The following ZNF787 variants were observed in gnomAD, a reference collection of about 807,000 sequenced individuals.
ZNF787 encodes zinc finger protein 787, also known as TTF-I-interacting peptide 20.
Under a neutral mutation model 16.9 loss-of-function variants are expected in ZNF787, and 7 were observed. The observed-to-expected ratio is 0.42, with a 90% CI of 0.24 to 0.78. The LOEUF (loss-of-function observed/expected upper bound fraction) is 0.78, where lower values mean the gene tolerates loss of function less well. Ranked by LOEUF, ZNF787 falls within the 30% of genes least tolerant of loss-of-function variation. ZNF787 has a pLI of 0.30. For synonymous variants in ZNF787, 345 were observed against 270.9 expected (o/e 1.27, Z -2.69); for missense variants, 551 against 589.3 (o/e 0.94, Z 0.67).
At chr19:56,108,566 G>A (rs953898552) in intron 1 of ZNF787, among the ~76,000 whole-genome samples, 2 of 151,976 alleles carry the variant, frequency 1.3e-5, no homozygotes, top group African/African-American at 4.8e-5. Context: ...CCGTGTCTCT[G>A]CTTAGCTGGC....
intron 2 of ZNF787, among the ~76,000 whole-genome samples, chr19:56,091,511 C>G (rs936758988): frequency 6.6e-6 from 1 of 152,138 alleles, no homozygotes; most frequent in Non-Finnish European, 1.5e-5. Context: ...TTGCAACTAT[C>G]AAAGCAATTT....
Position 56,088,376 on chromosome 19 carries a change from C to G in ZNF787, c.796G>C (p.Ala266Pro). ...AAAMAGAGAK[A>P]AGPRSRRAPA... ...GCGCGCCGCGACCGGGGCCCCGCGG[C>G]CTTTGCCCCCGCGCCCGCCATGGCT... Residue 266 changes from alanine (A) to proline (P), a missense_variant, in exon 3 of 3, where the codon GCC becomes CCC. Coordinates refer to ENST00000610935, the MANE Select transcript of ZNF787 (RefSeq NM_001002836.4). This position sits in a 1 kb window ranked among gnomAD's most constrained non-coding sequence, Gnocchi z 8.6. 2 of 1,110,922 alleles carry G rather than the reference C, an allele frequency of 1.8e-6. No homozygotes were observed. Among genetic ancestry groups the G allele is most frequent in the Non-Finnish European group, 2.2e-6 (2 of 910,648 alleles). The allele number at this position is 1,110,922 out of a possible 1,614,324, so 68.8% of individuals were successfully genotyped here.
chr19:56,093,975 ATT>A (rs1238718284), intron 2 of ZNF787, among the ~76,000 whole-genome samples: 13 of 151,808 alleles, frequency 8.6e-5, no homozygotes, highest in African/African-American at 1.9e-4. Context: ...CATATGTTGG[ATT>A]TTCTTTTCCT....
Position 56,087,879 on chromosome 19 carries a change from C to A in ZNF787, c.*144G>T. 8.0e-7 allele frequency: 1 copy of A among 1,244,506 alleles called. No homozygotes were observed. The highest frequency in any genetic ancestry group is 2.4e-5 in the South Asian group (1 of 42,144). The allele number at this position is 1,244,506 out of a possible 1,614,324, so 77.1% of individuals were successfully genotyped here. Reference sequence around the variant, plus strand: ...CCCCAGTGCCCCCCCACGGACGGCGCAGGGACAGAGGAGGGCGGGGAGCCG... The same window carrying A: ...CCCCAGTGCCCCCCCACGGACGGCGAAGGGACAGAGGAGGGCGGGGAGCCG... On this transcript the variant is annotated 3_prime_UTR_variant, in exon 3 of 3. Transcript: ENST00000610935.
At chr19:56,096,055 A>AT (rs1599943705) in intron 2 of ZNF787, among the ~76,000 whole-genome samples, 1 of 151,890 alleles carries the variant, frequency 6.6e-6, no homozygotes, top group Admixed American at 6.6e-5. Context: ...GATACAGGAG[A>AT]TTCAAGGGCC....
chr19:56,107,881 A>G (rs549663819), intron 1 of ZNF787, among the ~76,000 whole-genome samples: 1 of 138,700 alleles, frequency 7.2e-6, no homozygotes, highest in Non-Finnish European at 1.5e-5. Context: ...TGCGGAAGAG[A>G]GAGCTTGAAG....
chr19:56,092,785 G>A (rs1447059815), intron 2 of ZNF787, among the ~76,000 whole-genome samples: 1 of 151,952 alleles, frequency 6.6e-6, no homozygotes, highest in Non-Finnish European at 1.5e-5. Context: ...TGAGATGGCG[G>A]AACTGGGATA....
rs775654426 is a variant in ZNF787, at chr19:56,100,074, T to C, written c.79+3065A>G. Among the ~76,000 whole-genome samples the C allele has an allele frequency of 5.9e-5, 9 of 152,238 alleles. No homozygotes were observed. In the East Asian group the frequency reaches 1.5e-3, roughly 26 times the overall value. On this transcript the variant is annotated intron_variant, in intron 2 of 2. Transcript: ENST00000610935. ...TGGGAAGAAGCGACCATACTCGGGA[T>C]GTATTCCCAGAGCAGGTGCCGGGAC...
chr19:56,089,144 C>T lies in ZNF787; in HGVS notation c.80-52G>A, dbSNP rs373538969. On this transcript the variant is annotated intron_variant, in intron 2 of 2. Coordinates refer to ENST00000610935, the MANE Select transcript of ZNF787 (RefSeq NM_001002836.4). ...TGAGTCAAGAGAGGCAAGGGCTCCACGCCTGCCTTGGCTGCTACGCTGGCC... is the reference window on the plus strand; with the variant it reads ...TGAGTCAAGAGAGGCAAGGGCTCCATGCCTGCCTTGGCTGCTACGCTGGCC... 1.1e-5 allele frequency: 15 copies of T among 1,357,846 alleles called. No homozygotes were observed. In the African/African-American group the frequency reaches 1.8e-4, roughly 16 times the overall value. The allele number at this position is 1,357,846 out of a possible 1,614,324, so 84.1% of individuals were successfully genotyped here.
intron 2 of ZNF787, among the ~76,000 whole-genome samples, chr19:56,094,116 C>T (rs1156366032): frequency 6.6e-6 from 1 of 151,568 alleles, no homozygotes; most frequent in African/African-American, 2.4e-5. Context: ...CTTCGCCTCT[C>T]AGGTTCAAGT....
intron 1 of ZNF787, among the ~76,000 whole-genome samples, chr19:56,117,996 C>T (rs1467777955): frequency 2.0e-5 from 3 of 152,262 alleles, no homozygotes; most frequent in Non-Finnish European, 4.4e-5. Context: ...GCTCAGGCCA[C>T]GGCAGAGACG....
At chr19:56,092,451 A>T (rs1287178206) in intron 2 of ZNF787, among the ~76,000 whole-genome samples, 1 of 151,582 alleles carries the variant, frequency 6.6e-6, no homozygotes, top group Non-Finnish European at 1.5e-5. Flanking sequence ...CCCCACCTGC[A>T]GCACCACTAC....
At chr19:56,100,777 G>T (rs1986062900) in intron 2 of ZNF787, among the ~76,000 whole-genome samples, 1 of 145,686 alleles carries the variant, frequency 6.9e-6, no homozygotes, top group Admixed American at 6.9e-5. Flanking sequence ...CACACAGGAG[G>T]AATGCACGTA....
chr19:56,092,244 C>T (rs941588210), intron 2 of ZNF787, among the ~76,000 whole-genome samples: 1 of 152,236 alleles, frequency 6.6e-6, no homozygotes, highest in Non-Finnish European at 1.5e-5. Context: ...GCAGCAGTTA[C>T]CCTTGGGGGA....
chr19:56,103,443 G>A, intron 1 of ZNF787: 1 of 444,036 alleles, frequency 2.3e-6, no homozygotes, highest in Non-Finnish European at 3.9e-6. Flanking sequence ...ACAGCCGCAG[G>A]AAGGACTCAA....
In ZNF787 at chr19:56,103,126, T is replaced by C. The variant is rs969026143; in HGVS notation, c.79+13A>G. 1.9e-6 allele frequency: 3 copies of C among 1,612,124 alleles called. No individual in the cohort carries two copies. The Admixed American group carries it at 5.0e-5, about 27-fold the overall frequency. On this transcript the variant is annotated intron_variant, in intron 2 of 2. Coordinates refer to ENST00000610935, the MANE Select transcript of ZNF787 (RefSeq NM_001002836.4). ...GGCAGCGGGGTCGGCTGGGAAGGCC[T>C]CTGGCTGCTCACCTGGGTTCTCGTG...
At chr19:56,110,056 G>T (rs1191549822) in intron 1 of ZNF787, among the ~76,000 whole-genome samples, 1 of 152,056 alleles carries the variant, frequency 6.6e-6, no homozygotes, top group African/African-American at 2.4e-5. Flanking sequence ...CCAGTGAATT[G>T]TACATTTTAA....
intron 1 of ZNF787, among the ~76,000 whole-genome samples, chr19:56,119,719 G>A (rs1282941365): frequency 2.6e-5 from 4 of 152,240 alleles, no homozygotes; most frequent in South Asian, 2.1e-4. Context: ...CCGGGTGCCC[G>A]GATGGATGGA....
At chr19:56,120,952 C>T (rs1019991651) in intron 1 of ZNF787, among the ~76,000 whole-genome samples, 1 of 138,270 alleles carries the variant, frequency 7.2e-6, no homozygotes, top group Non-Finnish European at 1.6e-5. Flanking sequence ...CGCCCGGGCG[C>T]GCGTCCCCTC....
Sources: allele counts gnomAD v4.1 joint callset (sites outside exome capture counted in the v4.1 genomes callset), GRCh38; gene constraint gnomAD v4.1.1; non-coding constraint Gnocchi (gnomAD v3.1); transcripts MANE v1.5; gene names NCBI Gene and HGNC (gene_info 2026-07-23, HGNC 2026-07-21).